MYLK: variants seen among roughly 807,000 people sequenced by gnomAD.
The protein encoded by MYLK is myosin light chain kinase, smooth muscle.
A neutral mutation model predicts 203.4 loss-of-function variants in MYLK; 106 were observed. That is an observed-to-expected ratio of 0.52 (90% confidence interval 0.45 to 0.61). The LOEUF (loss-of-function observed/expected upper bound fraction) is 0.61. Among genes scored for constraint, MYLK ranks in the 20% least tolerant of loss-of-function variants. MYLK has a pLI of 0.00. For synonymous variants in MYLK, 867 were observed against 959.5 expected, an observed-to-expected ratio of 0.90 and a Z score of 1.78; for missense variants, 2,072 against 2,442.3, an observed-to-expected ratio of 0.85 and a Z score of 3.20.
chr3:123,874,392 A>G lies in MYLK; in HGVS notation c.-127+2167T>C, dbSNP rs867218345. On this transcript the variant is annotated intron_variant, in intron 2 of 33. Coordinates refer to ENST00000360304, the MANE Select transcript of MYLK (RefSeq NM_053025.4). ...GGTACAAACACAATTCAATAAGAGA[A>G]GGATAATCTTTTCATTGTGGTGCTA... 5.9e-5 allele frequency among the ~76,000 whole-genome samples: 9 copies of G among 152,204 alleles called. No homozygotes were observed. The South Asian group carries it at 6.2e-4, about 11-fold the overall frequency.
At chr3:123,780,169 C>T (rs2064238254) in intron 4 of MYLK, among the ~76,000 whole-genome samples, 2 of 152,206 alleles carry the variant, frequency 1.3e-5, no homozygotes, top group African/African-American at 2.4e-5. Context: ...CGCGGTGGCT[C>T]ATGCCTGTAA....
chr3:123,693,788 C>G (rs2060788001), intron 18 of MYLK, among the ~76,000 whole-genome samples: 1 of 152,228 alleles, frequency 6.6e-6, no homozygotes, highest in African/African-American at 2.4e-5. Context: ...CCTGCTGGGC[C>G]AGGCAGAAGG....
chr3:123,740,327 A>ACTCT (rs1213633603), intron 5 of MYLK, among the ~76,000 whole-genome samples: 2 of 152,058 alleles, frequency 1.3e-5, no homozygotes, highest in African/African-American at 4.8e-5. Flanking sequence ...AGATTCTAAA[A>ACTCT]CTCTCAACCA....
chr3:123,715,236 CA>C (rs1344315323), intron 13 of MYLK, among the ~76,000 whole-genome samples: 1 of 152,182 alleles, frequency 6.6e-6, no homozygotes, highest in East Asian at 1.9e-4. Context: ...AAGCATCAAA[CA>C]AATGACCTAT....
chr3:123,713,019 A>T (rs2061756958), intron 13 of MYLK, among the ~76,000 whole-genome samples: 2 of 152,176 alleles, frequency 1.3e-5, no homozygotes, highest in African/African-American at 4.8e-5. Context: ...TAGGAATACA[A>T]ATGCGTTGCT....
chr3:123,697,531 A>G (rs1182054781), intron 18 of MYLK, among the ~76,000 whole-genome samples: 2 of 152,216 alleles, frequency 1.3e-5, no homozygotes, highest in African/African-American at 2.4e-5. Context: ...AAGAGGTCAT[A>G]TAGCACGGTG....
intron 4 of MYLK, among the ~76,000 whole-genome samples, chr3:123,779,155 C>A (rs1024215464): frequency 6.6e-6 from 1 of 152,242 alleles, no homozygotes; most frequent in Non-Finnish European, 1.5e-5. Flanking sequence ...GACTGAGCCA[C>A]AGCAGCTCTC....
intron 5 of MYLK, among the ~76,000 whole-genome samples, chr3:123,751,201 G>A (rs2063181920): frequency 6.6e-6 from 1 of 152,194 alleles, no homozygotes; most frequent in South Asian, 2.1e-4. Flanking sequence ...CTTCTGAGGG[G>A]CTGACAGACC....
chr3:123,879,602 A>G (rs2033390159), intron 1 of MYLK, among the ~76,000 whole-genome samples: 1 of 152,082 alleles, frequency 6.6e-6, no homozygotes, highest in African/African-American at 2.4e-5. Flanking sequence ...AGAGTCTCTT[A>G]GCATAGACAC....
intron 18 of MYLK, among the ~76,000 whole-genome samples, chr3:123,695,794 G>C (rs1268230550): frequency 6.6e-6 from 1 of 152,212 alleles, no homozygotes; most frequent in Non-Finnish European, 1.5e-5. Context: ...GTTTTGCCAG[G>C]AGGAGGAGCC....
At chr3:123,878,310 C>G (rs145587792) in intron 1 of MYLK, among the ~76,000 whole-genome samples, 1 of 152,178 alleles carries the variant, frequency 6.6e-6, no homozygotes, top group African/African-American at 2.4e-5. Context: ...GGAGATACCA[C>G]GTCACATAGC....
At chr3:123,761,460 T>G (rs1427044343) in intron 4 of MYLK, among the ~76,000 whole-genome samples, 2 of 152,172 alleles carry the variant, frequency 1.3e-5, no homozygotes, top group Non-Finnish European at 2.9e-5. Flanking sequence ...CAGGTGGGGC[T>G]ATGAAAGCAG....
intron 13 of MYLK, among the ~76,000 whole-genome samples, chr3:123,719,979 C>A (rs1171864755): frequency 6.6e-6 from 1 of 152,194 alleles, no homozygotes; most frequent in Non-Finnish European, 1.5e-5. Context: ...CTGTGCCAGG[C>A]TCACCCTGCT....
At chr3:123,836,694 G>GT (rs1409186645) in intron 2 of MYLK, among the ~76,000 whole-genome samples, 1 of 152,132 alleles carries the variant, frequency 6.6e-6, no homozygotes, top group Non-Finnish European at 1.5e-5. Context: ...CTTGTATTTT[G>GT]TTTTATAACA....
At chr3:123,663,245 G>A (rs2059622691) in intron 23 of MYLK, among the ~76,000 whole-genome samples, 2 of 152,130 alleles carry the variant, frequency 1.3e-5, no homozygotes, top group Admixed American at 6.5e-5. Flanking sequence ...GTTAAGGGAG[G>A]AGAGGAAAAG....
At chr3:123,677,918 T>TATATATATACACAC (rs1273803739) in intron 20 of MYLK, among the ~76,000 whole-genome samples, 21 of 78,878 alleles carry the variant, frequency 2.7e-4, no homozygotes, top group African/African-American at 1.0e-3. Context: ...TATATATATA[T>TATATATATACACAC]ACACACACAC....
intron 16 of MYLK, among the ~76,000 whole-genome samples, chr3:123,703,602 G>A (rs570488136): frequency 2.6e-5 from 4 of 152,334 alleles, no homozygotes; most frequent in African/African-American, 9.6e-5. Flanking sequence ...CAGGCCCTGG[G>A]AGAACGAAGA....
At chr3:123,688,972 C>T (rs1280565031) in intron 19 of MYLK, among the ~76,000 whole-genome samples, 2 of 152,226 alleles carry the variant, frequency 1.3e-5, no homozygotes, top group African/African-American at 2.4e-5. Context: ...AGAAAAGTCC[C>T]AAAAGCTGGA....
chr3:123,701,237 CAAAAAAAAAAA>C (rs35577296), intron 17 of MYLK, among the ~76,000 whole-genome samples, 190 bp downstream of exon 17: 1 of 116,262 alleles, frequency 8.6e-6, no homozygotes, highest in Non-Finnish European at 1.7e-5. Context: ...AGGGTGTGTG[CAAAAAAAAAAA>C]AAAAAAAAAT....
Sources: gnomAD v4.1 joint callset for allele counts (sites outside exome capture counted in the v4.1 genomes callset) on GRCh38, gnomAD v4.1.1 for gene constraint, MANE v1.5 for transcripts, NCBI Gene and HGNC (gene_info 2026-07-23, HGNC 2026-07-21) for gene names.